PTPN2: variants seen among roughly 807,000 people sequenced by gnomAD.
PTPN2 encodes protein tyrosine phosphatase non-receptor type 2, also known as tyrosine-protein phosphatase non-receptor type 2.
Under a neutral mutation model 57.3 loss-of-function variants are expected in PTPN2, and 19 were observed. The ratio of observed to expected loss-of-function variants is 0.33; its 90% confidence interval spans 0.23 to 0.49. The LOEUF is 0.49. Ranked by LOEUF, PTPN2 falls within the 20% of genes least tolerant of loss-of-function variation. The probability of loss-of-function intolerance (pLI) is 0.99; values close to 1 mark genes in which losing one functional copy is unlikely to be tolerated. For synonymous variants in PTPN2, 153 were observed against 164.9 expected, an observed-to-expected ratio of 0.93 and a Z score of 0.55; for missense variants, 358 against 501.1, an observed-to-expected ratio of 0.71 and a Z score of 2.73.
intron 5 of PTPN2, among the ~76,000 whole-genome samples, chr18:12,823,128 A>T (rs2042328997): frequency 6.6e-6 from 1 of 152,204 alleles, no homozygotes; most frequent in Admixed American, 6.5e-5. Flanking sequence ...AAGAATAAAG[A>T]ATCCCTAGTT....
chr18:12,792,383 A>G lies in PTPN2; in HGVS notation c.*1895T>C, dbSNP rs765353200. 187 of 288,342 alleles carry G rather than the reference A, an allele frequency of 6.5e-4. No individual in the cohort carries two copies. Among genetic ancestry groups the G allele is most frequent in the Non-Finnish European group, 9.0e-4 (175 of 194,070 alleles). 17.9% of individuals were successfully genotyped at this position (288,342 alleles called of 1,614,324 possible). On this transcript the variant is annotated 3_prime_UTR_variant, in exon 9 of 9. Transcript: ENST00000309660. The stretch of plus-strand genomic sequence containing the variant: ...CTGCAACCTCTGCCTCCCGGGTTCA[A>G]GTGATTCTCCTGCCTTAGCCTCCCA...
At chr18:12,854,642 G>A (rs1266709666) in intron 2 of PTPN2, among the ~76,000 whole-genome samples, 1 of 152,120 alleles carries the variant, frequency 6.6e-6, no homozygotes, top group African/African-American at 2.4e-5. Flanking sequence ...ACACAGACCT[G>A]TAGACAGAAA....
At chr18:12,807,580 A>ATATATATAT (rs1405214676) in intron 7 of PTPN2, among the ~76,000 whole-genome samples, 7 of 60,156 alleles carry the variant, frequency 1.2e-4, no homozygotes, top group African/African-American at 3.0e-4. Flanking sequence ...AAAAAAAAAA[A>ATATATATAT]AAAAAAATAT....
In PTPN2 at chr18:12,794,433, C is replaced by T. The variant is rs144276145; in HGVS notation, c.1093G>A (p.Val365Met). The T allele has an allele frequency of 5.6e-5, 90 of 1,614,078 alleles. No individual in the cohort carries two copies. In the African/African-American group the frequency reaches 1.0e-3, roughly 18 times the overall value. Residue 365 changes from valine (V) to methionine (M), a missense_variant, in exon 9 of 9, where the codon GTG (valine) becomes ATG (methionine). Transcript: ENST00000309660. The stretch of plus-strand genomic sequence containing the variant: ...TTTAGCCTCTGTTTCATCTGCTGCA[C>T]CTTCTGAGCTGTGGTGGCCTTTCTG... ...EDRKATTAQK[V>M]QQMKQRLNEN...
intron 5 of PTPN2, chr18:12,819,139 CTATG>C: frequency 1.8e-6 from 1 of 543,188 alleles, no homozygotes; most frequent in Non-Finnish European, 2.9e-6. Context: ...ATTAAGACTT[CTATG>C]TCCCAGACTC....
At chr18:12,870,441 GTATATATATATA>G (rs577107678) in intron 1 of PTPN2, among the ~76,000 whole-genome samples, 2 of 24,564 alleles carry the variant, frequency 8.1e-5, no homozygotes, top group Non-Finnish European at 1.1e-4. Flanking sequence ...ATATATATGT[GTATATATATATA>G]TATATATATA....
chr18:12,842,094 C>T (rs556850886), intron 2 of PTPN2, among the ~76,000 whole-genome samples: 112 of 152,132 alleles, frequency 7.4e-4, no homozygotes, highest in Non-Finnish European at 1.4e-3. Flanking sequence ...TTAGCAGAGA[C>T]GGGGTTTCTC....
In PTPN2 at chr18:12,857,983, A is replaced by G. The variant is rs184593560; in HGVS notation, c.160+1181T>C. ...CTTCTTGGAAATGTATTTGGTCAAC[A>G]TAAGAAAAACATTCTATTCATGTAA... On this transcript the variant is annotated intron_variant, in intron 2 of 8. Transcript: ENST00000309660. 8.5e-5 allele frequency among the ~76,000 whole-genome samples: 13 copies of G among 152,358 alleles called. No homozygotes were observed. In the East Asian group the frequency reaches 1.7e-3, roughly 20 times the overall value.
chr18:12,869,529 TATA>T (rs71758661), intron 1 of PTPN2, among the ~76,000 whole-genome samples: 6,650 of 152,214 alleles, frequency 0.044, 504 homozygotes, highest in African/African-American at 0.15. Flanking sequence ...GTGAAATAGT[TATA>T]ATATTTTATT....
rs369222195 is a variant in PTPN2, at chr18:12,826,039, C to T, written c.361-95G>A. On this transcript the variant is annotated intron_variant, in intron 4 of 8. Coordinates refer to ENST00000309660, the MANE Select transcript of PTPN2 (RefSeq NM_002828.4). ...TGAAAACAAACCAGATATATACATG[C>T]TATATTTTTTCAAGTACCCAAAACT... The T allele has an allele frequency of 1.7e-5, 17 of 991,936 alleles. No individual in the cohort carries two copies. The East Asian group carries it at 1.9e-4, about 11-fold the overall frequency. 61.4% of individuals were successfully genotyped at this position (991,936 alleles called of 1,614,324 possible).
chr18:12,820,785 A>G (rs929242741), intron 5 of PTPN2, among the ~76,000 whole-genome samples: 17 of 152,376 alleles, frequency 1.1e-4, no homozygotes, highest in African/African-American at 3.4e-4. Flanking sequence ...TTTTCTGTGT[A>G]AAACTCTGCA....
chr18:12,795,679 C>G (rs751085944), intron 8 of PTPN2, among the ~76,000 whole-genome samples: 15 of 152,158 alleles, frequency 9.9e-5, no homozygotes, highest in Non-Finnish European at 2.2e-4. Context: ...CATCCAGCTA[C>G]TCAGGAGGAC....
At chr18:12,873,458 T>C (rs533335526) in intron 1 of PTPN2, among the ~76,000 whole-genome samples, 2 of 152,330 alleles carry the variant, frequency 1.3e-5, no homozygotes, top group Admixed American at 1.3e-4. Context: ...TGACTGGTTT[T>C]CGTATTTTTT....
chr18:12,808,416 T>G (rs987903166), intron 7 of PTPN2, among the ~76,000 whole-genome samples: 1 of 152,174 alleles, frequency 6.6e-6, no homozygotes, highest in Non-Finnish European at 1.5e-5. Context: ...TAGTCTAATT[T>G]GGTCATTACA....
downstream of PTPN2, among the ~76,000 whole-genome samples, chr18:12,791,361 A>T (rs1065630): frequency 0.15 from 22,702 of 152,142 alleles, 1,855 homozygotes; most frequent in African/African-American, 0.2. Flanking sequence ...ACATCATTCA[A>T]GTCAAAGTAT....
At chr18:12,835,067 G>A (rs1055290265) in intron 3 of PTPN2, among the ~76,000 whole-genome samples, 9 of 152,002 alleles carry the variant, frequency 5.9e-5, no homozygotes, top group African/African-American at 1.2e-4. Flanking sequence ...TTTCCGACCC[G>A]TTTTTGGTTG....
chr18:12,867,319 A>C (rs1158273924), intron 1 of PTPN2, among the ~76,000 whole-genome samples: 1 of 139,762 alleles, frequency 7.2e-6, no homozygotes, highest in Non-Finnish European at 1.5e-5. Context: ...AACCTGTCTC[A>C]ATAAATAAAT....
At chr18:12,825,594 T>A (rs1318556543) in intron 5 of PTPN2, among the ~76,000 whole-genome samples, 1 of 152,098 alleles carries the variant, frequency 6.6e-6, no homozygotes, top group African/African-American at 2.4e-5. Context: ...TCCCCAAATA[T>A]CAAACTGAAC....
In PTPN2 at chr18:12,792,954, T is replaced by C. The variant is rs142399030; in HGVS notation, c.*1324A>G. 2,646 of 984,646 alleles carry C rather than the reference T, an allele frequency of 2.7e-3. 67 individuals carry two copies. In the African/African-American group the frequency reaches 0.043, roughly 16 times the overall value. The allele number at this position is 984,646 out of a possible 1,614,324, so 61.0% of individuals were successfully genotyped here. A position where few individuals can be genotyped will look rare whatever the true frequency, so the allele number is the denominator to read the frequency against. ...TTAAGCCTTATGCAGAAATCTTATG[T>C]GGCATATAAAGAGACAAGGCAGAGA... On this transcript the variant is annotated 3_prime_UTR_variant, in exon 9 of 9. Transcript: ENST00000309660.
Sources: gnomAD v4.1 joint callset for allele counts (sites outside exome capture counted in the v4.1 genomes callset) on GRCh38, gnomAD v4.1.1 for gene constraint, MANE v1.5 for transcripts, NCBI Gene and HGNC (gene_info 2026-07-23, HGNC 2026-07-21) for gene names.